PLCH1: variants seen among roughly 807,000 people sequenced by gnomAD.
PLCH1 encodes phospholipase C eta 1, also known as 1-phosphatidylinositol 4,5-bisphosphate phosphodiesterase eta-1.
In PLCH1, 60 loss-of-function variants were observed where a neutral mutation model predicts 126.7. That is an observed-to-expected ratio of 0.47 (90% CI 0.38 to 0.59). The LOEUF (loss-of-function observed/expected upper bound fraction) is 0.59. PLCH1 is among the 20% of genes least tolerant of loss of function. PLCH1 has a pLI of 0.00. For missense variants in PLCH1, 1,723 were observed against 2,040.0 expected (o/e 0.84, Z 2.99); for synonymous variants, 719 against 734.9 (o/e 0.98, Z 0.35).
At chr3:155,478,030 A>T (rs191401220), downstream of PLCH1, among the ~76,000 whole-genome samples, 92 of 152,306 alleles carry the variant, frequency 6.0e-4, no homozygotes, top group Admixed American at 9.8e-4. Context: ...GATAAAGAAA[A>T]TGTGGTACAT....
chr3:155,485,898 A>C, intron 21 of PLCH1, 188 bp from the exon 22 acceptor site: 1 of 600,880 alleles, frequency 1.7e-6, no homozygotes, highest in Non-Finnish European at 2.9e-6. Flanking sequence ...TATCAACCTT[A>C]CTTTGCAAGG....
At chr3:155,484,789 A>G (rs923371695) in intron 22 of PLCH1, among the ~76,000 whole-genome samples, 4 of 152,202 alleles carry the variant, frequency 2.6e-5, no homozygotes, top group African/African-American at 9.7e-5. Flanking sequence ...TGTGGAGCCC[A>G]CAACCGTGCT....
In PLCH1 at chr3:155,597,845, G is replaced by A. The variant is rs141182044; in HGVS notation, c.80-1467C>T. Among the ~76,000 whole-genome samples, 745 of 152,144 alleles carry A rather than the reference G, an allele frequency of 4.9e-3. 5 individuals carry two copies. Among genetic ancestry groups the A allele is most frequent in the African/African-American group, 0.016 (682 of 41,494 alleles). ...ACAAAGAAGATGAAGTATAGGTTGC[G>A]TTTACTCATTTTATCTGACATATCA... On this transcript the variant is annotated intron_variant, in intron 2 of 22. Coordinates refer to ENST00000460012, the MANE Select transcript of PLCH1 (RefSeq NM_014996.4).
intron 17 of PLCH1, 72 bp from the exon 18 acceptor site, chr3:155,492,925 CAAAG>C: frequency 8.0e-7 from 1 of 1,254,024 alleles, no homozygotes; most frequent in African/African-American, 1.5e-5. Context: ...AGCTTGTAAA[CAAAG>C]AAACAAACAA....
At chr3:155,567,967 T>A (rs1343032660) in intron 7 of PLCH1, among the ~76,000 whole-genome samples, 1 of 152,202 alleles carries the variant, frequency 6.6e-6, no homozygotes, top group Non-Finnish European at 1.5e-5. Context: ...CCCAAATATG[T>A]CATGGCATCC....
At position 155,494,223 on chromosome 3, in the gene PLCH1, T is replaced by C. The variant is rs190176757; in HGVS notation, c.2100A>G (p.Gly700=). 1.8e-5 allele frequency: 29 copies of C among 1,614,068 alleles called. No homozygotes were observed. In the East Asian group the frequency reaches 4.2e-4, roughly 24 times the overall value. ...TGGCTCGGTTTAACTGCATCATTCGTCCTTCAGATTGATAATTCAGTGCCA... is the reference window on the plus strand; with the variant it reads ...TGGCTCGGTTTAACTGCATCATTCGCCCTTCAGATTGATAATTCAGTGCCA... ...QLVALNYQSE[G]RMMQLNRAKF... The change falls in exon 17 of 23, where the codon GGA becomes GGG. Residue 700 remains glycine (G), a synonymous_variant. Coordinates refer to ENST00000460012, the MANE Select transcript of PLCH1 (RefSeq NM_014996.4).
chr3:155,648,748 G>A (rs905914098), intron 2 of PLCH1, among the ~76,000 whole-genome samples: 1 of 152,190 alleles, frequency 6.6e-6, no homozygotes, highest in African/African-American at 2.4e-5. Flanking sequence ...AGGCACAGCA[G>A]GATATAAAGA....
At chr3:155,648,978 C>T (rs1740374898) in intron 2 of PLCH1, among the ~76,000 whole-genome samples, 1 of 152,140 alleles carries the variant, frequency 6.6e-6, no homozygotes, top group Non-Finnish European at 1.5e-5. Flanking sequence ...GCCATGTTAG[C>T]GATCTTGGTT....
At chr3:155,556,514 C>T (rs1726843756) in intron 8 of PLCH1, among the ~76,000 whole-genome samples, 1 of 152,204 alleles carries the variant, frequency 6.6e-6, no homozygotes, top group Non-Finnish European at 1.5e-5. Flanking sequence ...ACCATAATTA[C>T]AATGTGATTG....
At chr3:155,673,048 C>CTTTTTTTTTTTTT (rs66672315) in intron 2 of PLCH1, among the ~76,000 whole-genome samples, 1 of 68,238 alleles carries the variant, frequency 1.5e-5, no homozygotes, top group Non-Finnish European at 2.6e-5. Flanking sequence ...CTTCTGTTGC[C>CTTTTTTTTTTTTT]TTTTTTTTTT....
chr3:155,631,328 C>T (rs541428408), intron 2 of PLCH1, among the ~76,000 whole-genome samples: 1 of 121,490 alleles, frequency 8.2e-6, no homozygotes, highest in Non-Finnish European at 1.6e-5. Context: ...AGGATCATTG[C>T]CAAGTTTAAG....
intron 1 of PLCH1, among the ~76,000 whole-genome samples, chr3:155,710,178 C>A (rs572071826): frequency 6.6e-6 from 1 of 152,020 alleles, no homozygotes; most frequent in Admixed American, 6.5e-5. Flanking sequence ...TTAGTAGAGA[C>A]GGGATTTCAC....
chr3:155,715,904 T>G (rs1385161999), intron 1 of PLCH1, among the ~76,000 whole-genome samples: 1 of 152,160 alleles, frequency 6.6e-6, no homozygotes, highest in African/African-American at 2.4e-5. Flanking sequence ...GCACTTAGCC[T>G]TCCATTTGTT....
chr3:155,553,106 G>GATTATT (rs1553829662), intron 9 of PLCH1, among the ~76,000 whole-genome samples: 2 of 152,008 alleles, frequency 1.3e-5, no homozygotes, highest in Non-Finnish European at 2.9e-5. Context: ...ATTCACTGAG[G>GATTATT]ATTTTTATTT....
chr3:155,485,001 A>C (rs1159581316), intron 22 of PLCH1, among the ~76,000 whole-genome samples: 2 of 152,242 alleles, frequency 1.3e-5, no homozygotes, highest in African/African-American at 4.8e-5. Flanking sequence ...AAAGTAATAC[A>C]ACTATATTCA....
chr3:155,611,775 A>G (rs1291064278), intron 2 of PLCH1, among the ~76,000 whole-genome samples: 1 of 152,238 alleles, frequency 6.6e-6, no homozygotes, highest in Non-Finnish European at 1.5e-5. Flanking sequence ...TCATGAAAAA[A>G]GTCTCAACAA....
intron 21 of PLCH1, among the ~76,000 whole-genome samples, chr3:155,455,541 C>A (rs1458549273): frequency 6.6e-6 from 1 of 152,176 alleles, no homozygotes; most frequent in East Asian, 1.9e-4. Context: ...ACATTCACTA[C>A]TCACTGAAGT....
rs1263668724 is a variant in PLCH1 at position 155,596,186 on chromosome 3, G to A, written c.226+46C>T. The A allele has an allele frequency of 6.1e-6, 9 of 1,480,908 alleles. No individual in the cohort carries two copies. The East Asian group carries it at 1.8e-4, about 30-fold the overall frequency. The allele number at this position is 1,480,908 out of a possible 1,614,324, so 91.7% of individuals were successfully genotyped here. A position where few individuals can be genotyped will look rare whatever the true frequency, so the allele number is the denominator to read the frequency against. On this transcript the variant is annotated intron_variant, in intron 3 of 22. Coordinates refer to ENST00000460012, the MANE Select transcript of PLCH1 (RefSeq NM_014996.4). Reference sequence around the variant, plus strand: ...CAAGAGCCCACTCAGTATAACCCGTGTGTTACTATGTCCAGCCAAGCAAAG... The same window carrying A: ...CAAGAGCCCACTCAGTATAACCCGTATGTTACTATGTCCAGCCAAGCAAAG...
At chr3:155,674,018 C>T (rs1224968280) in intron 2 of PLCH1, among the ~76,000 whole-genome samples, 1 of 152,196 alleles carries the variant, frequency 6.6e-6, no homozygotes, top group Non-Finnish European at 1.5e-5. Flanking sequence ...GTAATTCTTA[C>T]AACAACCTTG....
Sources: gnomAD v4.1 joint callset for allele counts (sites outside exome capture counted in the v4.1 genomes callset) on GRCh38, gnomAD v4.1.1 for gene constraint, MANE v1.5 for transcripts, NCBI Gene and HGNC (gene_info 2026-07-23, HGNC 2026-07-21) for gene names.